PALM2AKAP2: variants seen among roughly 807,000 people sequenced by gnomAD.
PALM2AKAP2 encodes the protein PALM2 and AKAP2 fusion.
In PALM2AKAP2, 37 loss-of-function variants were observed where a neutral mutation model predicts 71.5. The observed-to-expected ratio is 0.52, with a 90% CI of 0.40 to 0.68. The LOEUF (loss-of-function observed/expected upper bound fraction) is 0.68, where lower values mean the gene tolerates loss of function less well. Among genes scored for constraint, PALM2AKAP2 ranks in the 30% least tolerant of loss-of-function variants. The probability of loss-of-function intolerance (pLI) is 0.00; values close to 1 mark genes in which losing one functional copy is unlikely to be tolerated. For synonymous variants in PALM2AKAP2, 468 were observed against 478.8 expected, an observed-to-expected ratio of 0.98 and a Z score of 0.29; for missense variants, 1,224 against 1,191.8, an observed-to-expected ratio of 1.03 and a Z score of -0.40.
intron 6 of PALM2AKAP2, among the ~76,000 whole-genome samples, chr9:109,969,264 C>T (rs1832017904): frequency 6.6e-6 from 1 of 152,156 alleles, no homozygotes; most frequent in South Asian, 2.1e-4. Context: ...CCAAATAGGA[C>T]AGACAGCCTG....
chr9:109,844,557 A>C (rs1828797500), intron 1 of PALM2AKAP2, among the ~76,000 whole-genome samples: 2 of 152,336 alleles, frequency 1.3e-5, no homozygotes, highest in South Asian at 4.1e-4. Context: ...TAATGAATAG[A>C]TGGAGAGTTT....
intron 2 of PALM2AKAP2, among the ~76,000 whole-genome samples, chr9:109,869,885 T>G (rs917115035): frequency 1.3e-5 from 2 of 151,928 alleles, no homozygotes; most frequent in Non-Finnish European, 2.9e-5. Flanking sequence ...GTGGGTGAGG[T>G]GGGGAGGACT....
At chr9:109,943,199 A>G (rs1483271655) in intron 6 of PALM2AKAP2, 1 of 1,614,234 alleles carries the variant, frequency 6.2e-7, no homozygotes, top group Non-Finnish European at 8.5e-7. Context: ...GAAACCATCA[A>G]GGCTGAATTG....
At chr9:110,116,332 A>C (rs1257956583) in intron 1 of PALM2AKAP2, among the ~76,000 whole-genome samples, 13 of 152,116 alleles carry the variant, frequency 8.5e-5, no homozygotes, top group Non-Finnish European at 1.9e-4. Flanking sequence ...AAAAGAAAAA[A>C]TGGGACTCAA....
chr9:109,885,038 T>G (rs1829933901), intron 3 of PALM2AKAP2, among the ~76,000 whole-genome samples: 1 of 152,232 alleles, frequency 6.6e-6, no homozygotes, highest in Admixed American at 6.5e-5. Context: ...GGCAAAGACT[T>G]CAAATAAAGC....
chr9:109,742,295 ACACACACT>A (rs1828728432), intron 1 of PALM2AKAP2, among the ~76,000 whole-genome samples: 1 of 124,332 alleles, frequency 8.0e-6, no homozygotes, highest in Admixed American at 7.9e-5. Context: ...ACACACACAC[ACACACACT>A]CTCACAGCCA....
At chr9:109,908,070 T>C (rs1830488166) in intron 3 of PALM2AKAP2, among the ~76,000 whole-genome samples, 2 of 152,256 alleles carry the variant, frequency 1.3e-5, no homozygotes, top group South Asian at 4.1e-4. Context: ...TGTTCCCTTT[T>C]AGAACTATAT....
intron 6 of PALM2AKAP2, among the ~76,000 whole-genome samples, chr9:109,932,784 G>T (rs778500884): frequency 6.6e-6 from 1 of 152,186 alleles, no homozygotes; most frequent in Admixed American, 6.5e-5. Flanking sequence ...ATTGCCCAAG[G>T]TTGCATGGTT....
At chr9:109,968,714 G>C (rs1164175433) in intron 6 of PALM2AKAP2, among the ~76,000 whole-genome samples, 1 of 152,156 alleles carries the variant, frequency 6.6e-6, no homozygotes, top group African/African-American at 2.4e-5. Context: ...ATTGTGGGGG[G>C]AAGCCCTAAG....
intron 1 of PALM2AKAP2, among the ~76,000 whole-genome samples, chr9:110,063,544 AT>A (rs1834008888): frequency 6.6e-6 from 1 of 150,944 alleles, no homozygotes; most frequent in Non-Finnish European, 1.5e-5. Context: ...GGTTCAAGTG[AT>A]TCTCCTGCCT....
chr9:109,745,836 G>T (rs139399654), intron 1 of PALM2AKAP2, among the ~76,000 whole-genome samples: 29 of 152,072 alleles, frequency 1.9e-4, no homozygotes, highest in Admixed American at 5.9e-4. Flanking sequence ...GCTTGGCTCT[G>T]GGCTTCATAA....
intron 1 of PALM2AKAP2, among the ~76,000 whole-genome samples, chr9:110,071,843 A>G (rs778197607): frequency 6.6e-6 from 1 of 152,184 alleles, no homozygotes; most frequent in Non-Finnish European, 1.5e-5. Context: ...TCACTGTGTT[A>G]TTAACTAACC....
In PALM2AKAP2 at chr9:109,851,210, A is replaced by AAC. The variant is rs200817100; in HGVS notation, c.46-16280_46-16279insCA. The stretch of plus-strand genomic sequence containing the variant: ...CAACAACAACAACAACAACAACAAC[A>AAC]AAAAAAAAAAAACACTACCTGGTAG... On this transcript the variant is annotated intron_variant, in intron 1 of 9. Coordinates refer to the PALM2AKAP2 transcript ENST00000302798. Among the ~76,000 whole-genome samples, 807 of 76,240 alleles carry AAC rather than the reference A, an allele frequency of 0.011. 16 individuals carry two copies. In the East Asian group the frequency reaches 0.13, roughly 13 times the overall value. 50.0% of individuals were successfully genotyped at this position (76,240 alleles called of 152,430 possible). A position where few individuals can be genotyped will look rare whatever the true frequency, so the allele number is the denominator to read the frequency against.
chr9:110,127,372 C>G (rs1564319444), intron 1 of PALM2AKAP2, among the ~76,000 whole-genome samples: 3 of 152,308 alleles, frequency 2.0e-5, no homozygotes, highest in African/African-American at 4.8e-5. Context: ...GGCCGGCTGT[C>G]TTCCATCAGC....
At chr9:109,725,152 A>C (rs995799517) in intron 1 of PALM2AKAP2, among the ~76,000 whole-genome samples, 1 of 152,186 alleles carries the variant, frequency 6.6e-6, no homozygotes, top group Non-Finnish European at 1.5e-5. Context: ...ATAAGAATTA[A>C]AGGTAGGAGC....
rs201226554 is a variant in PALM2AKAP2, at chr9:109,849,680, C to T, written c.46-17811C>T. Among the ~76,000 whole-genome samples, 67 of 152,144 alleles carry T rather than the reference C, an allele frequency of 4.4e-4. No homozygotes were observed. The East Asian group carries it at 8.9e-3, about 20-fold the overall frequency. ...CTGAGGCAGGAGAATCACTTGAACC[C>T]GGGAGGCGAAGGTTGCAGTGAACCA... On this transcript the variant is annotated intron_variant, in intron 1 of 9. Coordinates refer to the PALM2AKAP2 transcript ENST00000302798.
At chr9:109,777,154 G>T (rs557601151), upstream of PALM2AKAP2, among the ~76,000 whole-genome samples, 1 of 152,144 alleles carries the variant, frequency 6.6e-6, no homozygotes, top group African/African-American at 2.4e-5. Context: ...ATGACTCTTT[G>T]TTCAATTGGG....
chr9:110,108,469 T>C (rs1304844396), intron 1 of PALM2AKAP2, among the ~76,000 whole-genome samples: 2 of 152,168 alleles, frequency 1.3e-5, no homozygotes, highest in Non-Finnish European at 2.9e-5. Flanking sequence ...ATAAAATTAA[T>C]TGCCAAAAAT....
At chr9:109,933,136 G>T (rs1376144266) in intron 6 of PALM2AKAP2, among the ~76,000 whole-genome samples, 1 of 152,220 alleles carries the variant, frequency 6.6e-6, no homozygotes, top group African/African-American at 2.4e-5. Flanking sequence ...GGTTGGGACT[G>T]TAAGTGGTAT....
Sources: gnomAD v4.1 joint callset for allele counts (sites outside exome capture counted in the v4.1 genomes callset) on GRCh38, gnomAD v4.1.1 for gene constraint, MANE v1.5 for transcripts, NCBI Gene and HGNC (gene_info 2026-07-23, HGNC 2026-07-21) for gene names.